NFKB1: variants seen among roughly 807,000 people sequenced by gnomAD.
NFKB1 encodes nuclear factor kappa B subunit 1.
Under a neutral mutation model 105.1 loss-of-function variants are expected in NFKB1, and 9 were observed. The ratio of observed to expected loss-of-function variants is 0.09; its 90% CI spans 0.05 to 0.15. The LOEUF (loss-of-function observed/expected upper bound fraction) is 0.15. Among genes scored for constraint, NFKB1 ranks in the 10% least tolerant of loss-of-function variants. The pLI is 1.00. For missense variants in NFKB1, 830 were observed against 1,203.7 expected, an observed-to-expected ratio of 0.69 and a Z score of 4.59; for synonymous variants, 440 against 442.2, an observed-to-expected ratio of 1.00 and a Z score of 0.06.
chr4:102,552,878 A>T (rs980797973), intron 5 of NFKB1, among the ~76,000 whole-genome samples: 18 of 152,140 alleles, frequency 1.2e-4, no homozygotes, highest in Admixed American at 1.2e-3. Context: ...TGTTTACATC[A>T]TAGTACGTAG....
Position 102,580,053 on chromosome 4 carries a change from A to G in NFKB1, c.731-482A>G, listed in dbSNP as rs78803117. ...ACACAGAATCCTAATTTAGTTTGGG[A>G]AAAAGAAACATAACATCCCCATTTT... On this transcript the variant is annotated intron_variant, in intron 8 of 23. Transcript: ENST00000226574. Among the ~76,000 whole-genome samples, 11 of 152,256 alleles carry G rather than the reference A, an allele frequency of 7.2e-5. No individual in the cohort carries two copies. In the East Asian group the frequency reaches 2.1e-3, roughly 29 times the overall value.
At chr4:102,542,535 T>C (rs551837728) in intron 5 of NFKB1, among the ~76,000 whole-genome samples, 5 of 152,208 alleles carry the variant, frequency 3.3e-5, no homozygotes, top group Admixed American at 3.3e-4. Flanking sequence ...CTCTCTCAAA[T>C]AAAATAGTTA....
chr4:102,551,372 G>A (rs867894185), intron 5 of NFKB1, among the ~76,000 whole-genome samples: 5 of 139,764 alleles, frequency 3.6e-5, no homozygotes, highest in South Asian at 2.4e-4. Context: ...GTGTGTGCGC[G>A]CGCGCATGTG....
At chr4:102,605,537 T>C (rs1727636769) in intron 16 of NFKB1, among the ~76,000 whole-genome samples, 1 of 152,252 alleles carries the variant, frequency 6.6e-6, no homozygotes, top group Admixed American at 6.5e-5. Flanking sequence ...ATTGCTGTTC[T>C]CTGTCAGTGA....
intron 5 of NFKB1, among the ~76,000 whole-genome samples, chr4:102,550,931 A>G (rs536598219): frequency 1.3e-5 from 2 of 152,030 alleles, no homozygotes; most frequent in Non-Finnish European, 2.9e-5. Context: ...CACATCTTTC[A>G]TTTATATGAG....
chr4:102,541,028 A>C (rs1263110532), intron 5 of NFKB1, among the ~76,000 whole-genome samples: 1 of 152,192 alleles, frequency 6.6e-6, no homozygotes, highest in East Asian at 1.9e-4. Context: ...GGATAGATAC[A>C]TCTAAAGTTT....
At chr4:102,554,142 C>G (rs1722815281) in intron 5 of NFKB1, among the ~76,000 whole-genome samples, 1 of 151,884 alleles carries the variant, frequency 6.6e-6, no homozygotes, top group African/African-American at 2.4e-5. Context: ...AGTGATTCTG[C>G]AAATGAAGAA....
chr4:102,582,812 A>G (rs1725417868), intron 9 of NFKB1, 54 bp from the exon 10 acceptor site: 2 of 1,176,168 alleles, frequency 1.7e-6, no homozygotes, highest in Middle Eastern at 2.0e-4. Context: ...CAGCATGTTT[A>G]TAAATACTAT....
At chr4:102,562,148 T>G (rs1321531657) in intron 5 of NFKB1, among the ~76,000 whole-genome samples, 2 of 152,138 alleles carry the variant, frequency 1.3e-5, no homozygotes, top group Non-Finnish European at 2.9e-5. Context: ...AGCCTTTCTT[T>G]GCATGTGCTG....
intron 1 of NFKB1, among the ~76,000 whole-genome samples, chr4:102,520,306 C>G (rs1740480758): frequency 6.6e-6 from 1 of 152,188 alleles, no homozygotes; most frequent in Non-Finnish European, 1.5e-5. Flanking sequence ...CTATATTCCT[C>G]TTTTTATAAT....
intron 5 of NFKB1, among the ~76,000 whole-genome samples, chr4:102,563,104 C>T (rs1352794416): frequency 6.6e-6 from 1 of 152,096 alleles, no homozygotes; most frequent in Non-Finnish European, 1.5e-5. Flanking sequence ...TACTTTACCC[C>T]AACGTGACAA....
chr4:102,606,569 T>G lies in NFKB1; in HGVS notation c.1826T>G (p.Leu609Arg). ...VEDLLRAGAD[L>R]SLLDRLGNSV... ...GATTTGCTGAGGGCTGGGGCCGACCTGAGCCTTCTGGACCGCTTGGGTAAC... is the reference window on the plus strand; with the variant it reads ...GATTTGCTGAGGGCTGGGGCCGACCGGAGCCTTCTGGACCGCTTGGGTAAC... The change falls in exon 17 of 24, where the codon CTG (leucine) becomes CGG (arginine). Residue 609 changes from leucine to arginine, a missense_variant. Coordinates refer to ENST00000226574, the MANE Select transcript of NFKB1 (RefSeq NM_003998.4). The G allele has an allele frequency of 6.2e-7, 1 of 1,614,166 alleles. No homozygotes were observed. Among genetic ancestry groups the G allele is most frequent in the Non-Finnish European group, 8.5e-7 (1 of 1,180,022 alleles).
At chr4:102,611,500 G>A (rs558734878) in intron 20 of NFKB1, among the ~76,000 whole-genome samples, 2 of 152,190 alleles carry the variant, frequency 1.3e-5, no homozygotes, top group African/African-American at 2.4e-5. Context: ...CAAATGCCTC[G>A]GCAGCTACAG....
intron 5 of NFKB1, among the ~76,000 whole-genome samples, chr4:102,550,606 G>T (rs978327134): frequency 3.3e-5 from 5 of 152,070 alleles, no homozygotes; most frequent in African/African-American, 1.2e-4. Context: ...TACTCATTTT[G>T]CTCAGTCCAA....
Position 102,613,535 on chromosome 4 carries a change from G to C in NFKB1, c.2703G>C (p.Gln901His), listed in dbSNP as rs201708495. 5 of 1,613,798 alleles carry C rather than the reference G, an allele frequency of 3.1e-6. No individual in the cohort carries two copies. In the African/African-American group the frequency reaches 5.3e-5, roughly 17 times the overall value. ...AASSPVKTTS[Q>H]AHSLPLSPAS... Reference sequence around the variant, plus strand: ...CCAGCCCAGTGAAGACCACCTCTCAGGCCCACTCGCTGCCTCTCTCGCCTG... The same window carrying C: ...CCAGCCCAGTGAAGACCACCTCTCACGCCCACTCGCTGCCTCTCTCGCCTG... Residue 901 changes from glutamine (Q) to histidine (H), a missense_variant, in exon 23 of 24, where the codon CAG (glutamine) becomes CAC (histidine). Transcript: ENST00000226574.
At chr4:102,541,011 A>G (rs1207245514) in intron 5 of NFKB1, among the ~76,000 whole-genome samples, 1 of 152,170 alleles carries the variant, frequency 6.6e-6, no homozygotes, top group African/African-American at 2.4e-5. Context: ...CTGTAAGGGA[A>G]ACAGTGGGAT....
intron 5 of NFKB1, among the ~76,000 whole-genome samples, chr4:102,539,431 G>A (rs960434549): frequency 6.6e-6 from 1 of 151,978 alleles, no homozygotes; most frequent in Non-Finnish European, 1.5e-5. Flanking sequence ...TATTTAGTAT[G>A]GGTACTACTA....
Position 102,563,817 on chromosome 4 carries a change from C to T in NFKB1, c.259-3170C>T, listed in dbSNP as rs1004781091. On this transcript the variant is annotated intron_variant, in intron 5 of 23. Transcript: ENST00000226574. ...TCCTTGACTTTAACTGAAAGCTTAA[C>T]TCTTTTTTTTTTTTTTTTTTTTAAA... 8.0e-5 allele frequency among the ~76,000 whole-genome samples: 9 copies of T among 112,230 alleles called. No homozygotes were observed. In the Admixed American group the frequency reaches 8.1e-4, roughly 10 times the overall value. 73.6% of individuals were successfully genotyped at this position (112,230 alleles called of 152,430 possible).
chr4:102,534,895 A>G (rs1013401653), intron 4 of NFKB1, among the ~76,000 whole-genome samples: 7 of 152,200 alleles, frequency 4.6e-5, no homozygotes, highest in Admixed American at 2.6e-4. Flanking sequence ...GAATCGTGAC[A>G]TTATATATGT....
Sources: allele counts gnomAD v4.1 joint callset (sites outside exome capture counted in the v4.1 genomes callset), GRCh38; gene constraint gnomAD v4.1.1; transcripts MANE v1.5; gene names NCBI Gene and HGNC (gene_info 2026-07-23, HGNC 2026-07-21).